The following GAB2 variants were observed in gnomAD, a reference collection of about 807,000 sequenced individuals.
GAB2 encodes the protein GRB2 associated binding protein 2.
In GAB2, 26 loss-of-function variants were observed where a neutral mutation model predicts 65.5. The observed-to-expected ratio is 0.40, with a 90% CI of 0.29 to 0.55. GAB2 has a LOEUF of 0.55. Ranked by LOEUF, GAB2 falls within the 20% of genes least tolerant of loss-of-function variation. The pLI, the probability that GAB2 is intolerant of heterozygous loss-of-function variation, is 0.53. For missense variants in GAB2, 884 were observed against 875.8 expected (o/e 1.01, Z -0.12); for synonymous variants, 321 against 329.6 (o/e 0.97, Z 0.28).
intron 1 of GAB2, among the ~76,000 whole-genome samples, chr11:78,294,278 G>A: frequency 6.6e-6 from 1 of 152,162 alleles, no homozygotes; most frequent in Non-Finnish European, 1.5e-5. Flanking sequence ...GTATTCCATG[G>A]TGTATATGTG....
intron 1 of GAB2, among the ~76,000 whole-genome samples, chr11:78,307,635 A>AGAGAGAGAGC (rs1591022770): frequency 6.6e-6 from 1 of 150,444 alleles, no homozygotes; most frequent in African/African-American, 2.4e-5. Flanking sequence ...AGAGAGAGAG[A>AGAGAGAGAGC]TGTTGAGTCA....
chr11:78,223,651 G>A lies in GAB2; in HGVS notation c.1328C>T (p.Ser443Leu), dbSNP rs764839548. 1.1e-5 allele frequency: 17 copies of A among 1,606,196 alleles called. No homozygotes were observed. Among genetic ancestry groups the A allele is most frequent in the South Asian group, 3.3e-5 (3 of 89,926 alleles). The change falls in exon 6 of 10, where the codon TCG (serine) becomes TTG (leucine). Residue 443 changes from serine (S) to leucine (L), a missense_variant. By Grantham distance (145) the Ser-to-Leu change is moderately radical (BLOSUM62 -2). Transcript: ENST00000361507. ...FLPGKMIVGR[S>L]DSTNSEDNYV... ...GTTGTCTTCAGAATTGGTGCTGTCCGATCGGCCCACAATCATTTTCCCTGG... is the reference window on the plus strand; with the variant it reads ...GTTGTCTTCAGAATTGGTGCTGTCCAATCGGCCCACAATCATTTTCCCTGG...
chr11:78,310,195 T>G (rs1855466757), intron 1 of GAB2, among the ~76,000 whole-genome samples: 1 of 151,936 alleles, frequency 6.6e-6, no homozygotes, highest in Non-Finnish European at 1.5e-5. Flanking sequence ...ATTCCTATTA[T>G]TTCTGCAAGT....
intron 1 of GAB2, among the ~76,000 whole-genome samples, chr11:78,404,752 G>C (rs183399141): frequency 9.1e-4 from 138 of 152,348 alleles, no homozygotes; most frequent in African/African-American, 2.8e-3. Context: ...TCAGATACTG[G>C]AAAGGACAGT....
chr11:78,366,746 T>A (rs1475434945), intron 1 of GAB2, among the ~76,000 whole-genome samples: 1 of 148,574 alleles, frequency 6.7e-6, no homozygotes, highest in African/African-American at 2.4e-5. Context: ...CCCAATTACA[T>A]TCTATTCCCC....
intron 1 of GAB2, among the ~76,000 whole-genome samples, chr11:78,288,640 A>T (rs1012576517): frequency 6.6e-6 from 1 of 152,232 alleles, no homozygotes; most frequent in Non-Finnish European, 1.5e-5. Context: ...TGTGCAGGGC[A>T]TGTATGCTAA....
intron 2 of GAB2, among the ~76,000 whole-genome samples, chr11:78,274,779 TG>T (rs558470655): frequency 6.6e-6 from 1 of 152,300 alleles, no homozygotes; most frequent in South Asian, 2.1e-4. Context: ...TAGGGACCCC[TG>T]GGGGTGCTTC....
At chr11:78,317,268 A>C (rs548841052) in intron 1 of GAB2, among the ~76,000 whole-genome samples, 3 of 152,324 alleles carry the variant, frequency 2.0e-5, no homozygotes, top group Admixed American at 2.0e-4. Context: ...ATACACTTAA[A>C]AGTGATTACG....
intron 1 of GAB2, among the ~76,000 whole-genome samples, chr11:78,314,400 T>C (rs1855559658): frequency 6.6e-6 from 1 of 152,340 alleles, no homozygotes; most frequent in African/African-American, 2.4e-5. Context: ...GTAGACGCTA[T>C]TATCCTCATT....
Position 78,222,176 on chromosome 11 carries a change from G to A in GAB2, c.1587C>T (p.Asp529=). The change falls in exon 7 of 10, where the codon GAC becomes GAT. Residue 529 remains aspartate (D), a synonymous_variant. Transcript: ENST00000361507. The stretch of plus-strand genomic sequence containing the variant: ...CATCGATGACGGTGTTGTTCCTCAG[G>A]TCAAGTGGTGTTGGCTTTGCTGGAG... ...PDRKAKPTPL[D]LRNNTVIDEL... is the part of the protein sequence containing the mutation. 6.2e-7 allele frequency: 1 copy of A among 1,613,614 alleles called. No homozygotes were observed. The highest frequency in any genetic ancestry group is 8.5e-7 in the Non-Finnish European group (1 of 1,179,530).
chr11:78,385,000 C>T (rs1856747817), intron 1 of GAB2, among the ~76,000 whole-genome samples: 1 of 152,114 alleles, frequency 6.6e-6, no homozygotes, highest in Admixed American at 6.5e-5. Flanking sequence ...TGATGTAATG[C>T]AGGATATCTA....
chr11:78,346,569 C>T (rs1856181973), intron 1 of GAB2, among the ~76,000 whole-genome samples: 1 of 128,778 alleles, frequency 7.8e-6, no homozygotes, highest in Non-Finnish European at 1.6e-5. Flanking sequence ...CTACATCATG[C>T]TGCCTGAGAA....
intron 1 of GAB2, among the ~76,000 whole-genome samples, chr11:78,311,969 C>T (rs1450213547): frequency 2.6e-5 from 4 of 152,118 alleles, no homozygotes; most frequent in Non-Finnish European, 5.9e-5. Context: ...CAATGCCGTC[C>T]AGGGCTGGCT....
chr11:78,293,747 G>A lies in GAB2; in HGVS notation c.76-12846C>T, dbSNP rs371523246. Among the ~76,000 whole-genome samples the A allele has an allele frequency of 4.6e-5, 7 of 152,246 alleles. No homozygotes were observed. The East Asian group carries it at 1.2e-3, about 25-fold the overall frequency. On this transcript the variant is annotated intron_variant, in intron 1 of 9. Transcript: ENST00000361507. ...GTTACTCAAACTGGCTGTGTCACTG[G>A]ACAAAGGGTTGTCACAATATTTCCC...
Position 78,253,168 on chromosome 11 carries a change from G to A in GAB2, c.377-2768C>T, listed in dbSNP as rs1289913262. On this transcript the variant is annotated intron_variant, in intron 2 of 9. Coordinates refer to ENST00000361507, the MANE Select transcript of GAB2 (RefSeq NM_080491.3). ...TGCAACTACAGGTGTATGCCATGAC[G>A]CCCAGCTAATTTTTGTATTTTTAGT... is the stretch of plus-strand genomic sequence containing the variant. Among the ~76,000 whole-genome samples the A allele has an allele frequency of 2.0e-5, 3 of 151,914 alleles. No individual in the cohort carries two copies. The East Asian group carries it at 5.8e-4, about 30-fold the overall frequency.
At chr11:78,279,120 A>T (rs868339742) in intron 2 of GAB2, among the ~76,000 whole-genome samples, 5 of 152,216 alleles carry the variant, frequency 3.3e-5, no homozygotes, top group Non-Finnish European at 7.3e-5. Context: ...GGAAGCAAGA[A>T]GATTATACCA....
chr11:78,228,871 ATGT>A (rs774898278), intron 3 of GAB2, among the ~76,000 whole-genome samples: 17 of 152,228 alleles, frequency 1.1e-4, no homozygotes, highest in Non-Finnish European at 1.9e-4. Flanking sequence ...TAAGGTGTTA[ATGT>A]TGTATGCATT....
chr11:78,257,333 C>T (rs1309997871), intron 2 of GAB2, among the ~76,000 whole-genome samples: 1 of 152,134 alleles, frequency 6.6e-6, no homozygotes, highest in Non-Finnish European at 1.5e-5. Flanking sequence ...AAAATTTATC[C>T]CCACCCTCAA....
At chr11:78,382,303 G>C (rs866814951) in intron 1 of GAB2, among the ~76,000 whole-genome samples, 1 of 152,026 alleles carries the variant, frequency 6.6e-6, no homozygotes, top group African/African-American at 2.4e-5. Flanking sequence ...CCAGTGAGAG[G>C]CATCCTGTAG....
Sources: allele counts gnomAD v4.1 joint callset (sites outside exome capture counted in the v4.1 genomes callset), GRCh38; gene constraint gnomAD v4.1.1; transcripts MANE v1.5; gene names NCBI Gene and HGNC (gene_info 2026-07-23, HGNC 2026-07-21).